The following STEAP1B variants were observed in gnomAD, a reference collection of about 807,000 sequenced individuals.
The protein encoded by STEAP1B is STEAP family member 1B.
In STEAP1B, 13 loss-of-function variants were observed where a neutral mutation model predicts 27.9. That is an observed-to-expected ratio of 0.47 (90% CI 0.30 to 0.74). The LOEUF (loss-of-function observed/expected upper bound fraction) is 0.74. Among genes scored for constraint, STEAP1B ranks in the 30% least tolerant of loss-of-function variants. The probability of loss-of-function intolerance (pLI) is 0.06; values close to 1 mark genes in which losing one functional copy is unlikely to be tolerated. For missense variants in STEAP1B, 250 were observed against 298.7 expected (o/e 0.84, Z 1.20); for synonymous variants, 86 against 107.1 (o/e 0.80, Z 1.22).
intron 4 of STEAP1B, among the ~76,000 whole-genome samples, chr7:22,483,041 T>G (rs1253097541): frequency 6.6e-6 from 1 of 152,208 alleles, no homozygotes; most frequent in Non-Finnish European, 1.5e-5. Context: ...TGGGTATTTC[T>G]GAGAGCTGGA....
At chr7:22,490,772 G>A (rs1433313566) in intron 4 of STEAP1B, among the ~76,000 whole-genome samples, 1 of 152,120 alleles carries the variant, frequency 6.6e-6, no homozygotes, top group Non-Finnish European at 1.5e-5. Flanking sequence ...ATTTCCTTTT[G>A]GCAGAGGCAT....
At chr7:22,491,855 CA>C (rs941553155) in intron 4 of STEAP1B, among the ~76,000 whole-genome samples, 61 of 152,212 alleles carry the variant, frequency 4.0e-4, no homozygotes, top group African/African-American at 1.3e-3. Flanking sequence ...GTTAATTTGT[CA>C]GCTATGTTCT....
At chr7:22,465,253 C>T (rs1785756599) in intron 4 of STEAP1B, among the ~76,000 whole-genome samples, 1 of 151,870 alleles carries the variant, frequency 6.6e-6, no homozygotes, top group African/African-American at 2.4e-5. Flanking sequence ...CAATGTAAAA[C>T]TTATGAATTG....
At chr7:22,432,573 T>C (rs1785201699) in intron 4 of STEAP1B, among the ~76,000 whole-genome samples, 1 of 152,036 alleles carries the variant, frequency 6.6e-6, no homozygotes, top group African/African-American at 2.4e-5. Flanking sequence ...AGACTCTGTC[T>C]CTAAGGAAAA....
intron 4 of STEAP1B, among the ~76,000 whole-genome samples, chr7:22,456,972 A>ATATATATATTTTTTTTTTTTTTT: frequency 1.4e-4 from 8 of 57,072 alleles, no homozygotes; most frequent in Non-Finnish European, 2.3e-4. Flanking sequence ...ATATATATAT[A>ATATATATATTTTTTTTTTTTTTT]TTTTTTTTTT....
intron 4 of STEAP1B, among the ~76,000 whole-genome samples, chr7:22,491,575 G>C (rs1336684682): frequency 6.6e-6 from 1 of 152,134 alleles, no homozygotes; most frequent in Non-Finnish European, 1.5e-5. Flanking sequence ...GAAGAGGAAA[G>C]AAGAGAGAAA....
intron 4 of STEAP1B, among the ~76,000 whole-genome samples, chr7:22,444,847 A>G (rs1785385323): frequency 6.6e-6 from 1 of 152,216 alleles, no homozygotes; most frequent in Non-Finnish European, 1.5e-5. Context: ...AAAACCAATC[A>G]GGTATTTCAT....
At chr7:22,498,565 A>G (rs1340252952) in intron 1 of STEAP1B, among the ~76,000 whole-genome samples, 1 of 152,232 alleles carries the variant, frequency 6.6e-6, no homozygotes, top group African/African-American at 2.4e-5. Flanking sequence ...TGTGAACAAC[A>G]ATGTAAGGCA....
intron 4 of STEAP1B, among the ~76,000 whole-genome samples, chr7:22,426,051 T>C (rs151279563): frequency 4.9e-4 from 74 of 152,302 alleles, no homozygotes; most frequent in African/African-American, 1.6e-3. Flanking sequence ...TTAGACTCTC[T>C]AAAGGAAGTG....
chr7:22,467,639 A>C (rs886805864), intron 4 of STEAP1B, among the ~76,000 whole-genome samples: 3 of 151,878 alleles, frequency 2.0e-5, no homozygotes. Flanking sequence ...ATCATTTTAT[A>C]AGGGGAAACC....
chr7:22,458,280 T>A (rs895722066), intron 4 of STEAP1B, among the ~76,000 whole-genome samples: 1 of 152,138 alleles, frequency 6.6e-6, no homozygotes, highest in Non-Finnish European at 1.5e-5. Flanking sequence ...ATTTAGTTAG[T>A]GTACTAAAGT....
rs1018356126 is a variant in STEAP1B, at chr7:22,486,306, G to C, written c.762+6259C>G. On this transcript the variant is annotated intron_variant, in intron 4 of 4. Coordinates refer to ENST00000678116, the MANE Select transcript of STEAP1B (RefSeq NM_001382447.1). Reference sequence around the variant, plus strand: ...GACCAGACATCCCATTGGCACTGTGGAGTATAGTTCTGTGTCTGGAAGGCC... The same window carrying C: ...GACCAGACATCCCATTGGCACTGTGCAGTATAGTTCTGTGTCTGGAAGGCC... Among the ~76,000 whole-genome samples, 7 of 152,278 alleles carry C rather than the reference G, an allele frequency of 4.6e-5. No individual in the cohort carries two copies. In the East Asian group the frequency reaches 1.4e-3, roughly 29 times the overall value.
chr7:22,454,767 G>A (rs549925713), intron 4 of STEAP1B, among the ~76,000 whole-genome samples: 19 of 130,442 alleles, frequency 1.5e-4, no homozygotes, highest in African/African-American at 5.1e-4. Context: ...CTCTTCTCCT[G>A]CAATGTCTCA....
intron 4 of STEAP1B, among the ~76,000 whole-genome samples, chr7:22,449,088 ATAATGGAGAATGGGGTACCCATCCC>A (rs367806761): frequency 0.03 from 4,581 of 152,360 alleles, 154 homozygotes; most frequent in Admixed American, 0.089. Flanking sequence ...TGATAATCAC[ATAATGGAGAATGGGGTACCCATCCC>A]AAGCATTTAT....
chr7:22,466,655 A>C (rs905748219), intron 4 of STEAP1B, among the ~76,000 whole-genome samples: 20 of 151,944 alleles, frequency 1.3e-4, no homozygotes, highest in African/African-American at 4.6e-4. Flanking sequence ...ACAATTGCAC[A>C]AGGACAGGCA....
At chr7:22,422,720 C>T (rs1306433616) in intron 4 of STEAP1B, among the ~76,000 whole-genome samples, 1 of 152,150 alleles carries the variant, frequency 6.6e-6, no homozygotes, top group East Asian at 1.9e-4. Flanking sequence ...GTCTCGAACT[C>T]CTGACCTCAG....
chr7:22,468,248 C>T (rs539882309), intron 4 of STEAP1B, among the ~76,000 whole-genome samples: 2 of 152,156 alleles, frequency 1.3e-5, no homozygotes, highest in South Asian at 4.2e-4. Flanking sequence ...TTTTATCTGA[C>T]AAACCTATTC....
chr7:22,427,598 C>A (rs1022211477), intron 4 of STEAP1B, among the ~76,000 whole-genome samples: 21 of 152,238 alleles, frequency 1.4e-4, no homozygotes, highest in Admixed American at 1.1e-3. Context: ...AAATCTAAAG[C>A]CGTAAAAGGC....
At chr7:22,464,948 C>CATATATATATATATATATGTAT (rs75308240) in intron 4 of STEAP1B, among the ~76,000 whole-genome samples, 2 of 45,012 alleles carry the variant, frequency 4.4e-5, no homozygotes, top group African/African-American at 1.1e-4. Context: ...TACCAAACCC[C>CATATATATATATATATATGTAT]ATATATATAT....
Sources: allele counts gnomAD v4.1 joint callset (sites outside exome capture counted in the v4.1 genomes callset), GRCh38; gene constraint gnomAD v4.1.1; transcripts MANE v1.5; gene names NCBI Gene and HGNC (gene_info 2026-07-23, HGNC 2026-07-21).